The following GPM6A variants were observed in gnomAD, a reference collection of about 807,000 sequenced individuals.
The protein encoded by GPM6A is neuronal membrane glycoprotein M6-a.
In GPM6A, 7 loss-of-function variants were observed where a neutral mutation model predicts 32.1. The ratio of observed to expected loss-of-function variants is 0.22; its 90% CI spans 0.12 to 0.41. The LOEUF (loss-of-function observed/expected upper bound fraction) is 0.41, where lower values mean the gene tolerates loss of function less well. GPM6A is among the 10% of genes least tolerant of loss of function. GPM6A has a pLI of 1.00. For missense variants in GPM6A, 235 were observed against 347.2 expected, an observed-to-expected ratio of 0.68 and a Z score of 2.57; for synonymous variants, 130 against 123.4, an observed-to-expected ratio of 1.05 and a Z score of -0.35.
At chr4:175,732,045 C>T (rs1187567229) in intron 1 of GPM6A, among the ~76,000 whole-genome samples, 1 of 147,494 alleles carries the variant, frequency 6.8e-6, no homozygotes, top group Non-Finnish European at 1.5e-5. Context: ...CAGCTTACTG[C>T]AAACTCTGCC....
chr4:175,927,792 G>A (rs1313853660), intron 1 of GPM6A, among the ~76,000 whole-genome samples: 2 of 152,308 alleles, frequency 1.3e-5, no homozygotes, highest in Admixed American at 1.3e-4. Flanking sequence ...GGCTGAGGCG[G>A]GAGAATGGCT....
chr4:175,998,689 C>T lies in GPM6A; in HGVS notation c.-23+3620G>A, dbSNP rs144954531. On this transcript the variant is annotated intron_variant, in intron 1 of 7. Transcript: ENST00000280187. ...TATCTCTCATCAATCTTTTGCTCTC[C>T]GGTTCCACTGGCTTAGACATGTATC... is the stretch of plus-strand genomic sequence containing the variant. Among the ~76,000 whole-genome samples the T allele has an allele frequency of 1.1e-3, 174 of 152,176 alleles. 2 individuals are homozygous for T. The highest frequency in any genetic ancestry group is 3.7e-3 in the African/African-American group (154 of 41,494).
chr4:175,884,886 T>C (rs975301691), intron 1 of GPM6A, among the ~76,000 whole-genome samples: 1 of 152,200 alleles, frequency 6.6e-6, no homozygotes, highest in African/African-American at 2.4e-5. Context: ...AAAATGTTTT[T>C]AAAAATCTAC....
At chr4:175,896,544 T>C (rs187020070) in intron 1 of GPM6A, among the ~76,000 whole-genome samples, 1 of 152,286 alleles carries the variant, frequency 6.6e-6, no homozygotes, top group East Asian at 1.9e-4. Context: ...ACCCCAGTTA[T>C]GGACCCAACA....
At chr4:175,782,595 A>G (rs1038137260) in intron 1 of GPM6A, among the ~76,000 whole-genome samples, 14 of 152,244 alleles carry the variant, frequency 9.2e-5, no homozygotes, top group African/African-American at 3.1e-4. Flanking sequence ...AAATGCAGCT[A>G]TACTCTCCAG....
chr4:175,916,037 T>C (rs773301858), intron 1 of GPM6A, among the ~76,000 whole-genome samples: 2 of 152,224 alleles, frequency 1.3e-5, no homozygotes, highest in Non-Finnish European at 2.9e-5. Context: ...CCTGTTTTTA[T>C]TGGATCAAAG....
chr4:175,779,562 C>A (rs531582914), intron 1 of GPM6A, among the ~76,000 whole-genome samples: 1 of 152,206 alleles, frequency 6.6e-6, no homozygotes, highest in African/African-American at 2.4e-5. Flanking sequence ...CTTTTCAGGT[C>A]TCATGGCTCT....
chr4:175,837,793 A>C (rs2111378917), intron 1 of GPM6A, among the ~76,000 whole-genome samples: 1 of 152,264 alleles, frequency 6.6e-6, no homozygotes, highest in South Asian at 2.1e-4. Flanking sequence ...ATAGTCATCC[A>C]TGTCCTCATC....
intron 1 of GPM6A, among the ~76,000 whole-genome samples, chr4:175,846,756 A>C (rs946358654): frequency 6.6e-6 from 1 of 152,304 alleles, no homozygotes; most frequent in African/African-American, 2.4e-5. Context: ...TACTCAAAAT[A>C]TCAAGAAATT....
intron 1 of GPM6A, among the ~76,000 whole-genome samples, chr4:175,879,300 C>T (rs1444811948): frequency 6.6e-6 from 1 of 152,222 alleles, no homozygotes; most frequent in Non-Finnish European, 1.5e-5. Context: ...GGTAACTTCA[C>T]AGCAGCACCC....
chr4:175,897,958 A>C (rs1482402222), intron 1 of GPM6A, among the ~76,000 whole-genome samples: 1 of 152,192 alleles, frequency 6.6e-6, no homozygotes, highest in Non-Finnish European at 1.5e-5. Context: ...TTGGCAAGTA[A>C]GACAACACTA....
chr4:175,732,200 C>T (rs542175365), intron 1 of GPM6A, among the ~76,000 whole-genome samples: 252 of 137,332 alleles, frequency 1.8e-3, no homozygotes, highest in African/African-American at 5.9e-3. Flanking sequence ...CTCCTGACCT[C>T]GTGATCCGCC....
At chr4:175,931,309 C>T (rs1467621005) in intron 1 of GPM6A, among the ~76,000 whole-genome samples, 2 of 152,100 alleles carry the variant, frequency 1.3e-5, no homozygotes, top group African/African-American at 2.4e-5. Flanking sequence ...ATCCTACAAC[C>T]TCACATTCCC....
intron 2 of GPM6A, among the ~76,000 whole-genome samples, chr4:175,687,430 C>T (rs188788098): frequency 6.6e-6 from 1 of 151,774 alleles, no homozygotes; most frequent in East Asian, 1.9e-4. Context: ...GCAGCACTAT[C>T]CTTCTGTGAC....
At chr4:175,809,180 A>C (rs1163430441) in intron 1 of GPM6A, among the ~76,000 whole-genome samples, 1 of 152,200 alleles carries the variant, frequency 6.6e-6, no homozygotes, top group Non-Finnish European at 1.5e-5. Flanking sequence ...TTCTAGAAAC[A>C]GTTGCATGGC....
rs976587090 is a variant in GPM6A at position 175,735,764 on chromosome 4, G to A, written c.38-33997C>T. Reference sequence around the variant, plus strand: ...TTTAGTGGAGACTGGGTTTCACCACGTTGGTCAGGCTGGTCTCAAACTCCT... The same window carrying A: ...TTTAGTGGAGACTGGGTTTCACCACATTGGTCAGGCTGGTCTCAAACTCCT... On this transcript the variant is annotated intron_variant, in intron 1 of 6. Coordinates refer to ENST00000393658, the MANE Select transcript of GPM6A (RefSeq NM_201591.3). Among the ~76,000 whole-genome samples the A allele has an allele frequency of 2.6e-5, 4 of 152,198 alleles. No individual in the cohort carries two copies. In the East Asian group the frequency reaches 5.8e-4, roughly 22 times the overall value.
intron 3 of GPM6A, among the ~76,000 whole-genome samples, chr4:175,668,110 C>A (rs1273278600): frequency 6.6e-6 from 1 of 152,052 alleles, no homozygotes; most frequent in African/African-American, 2.4e-5. Context: ...TTTCTTTCAA[C>A]TTTTACATTA....
chr4:175,741,746 T>C (rs1179495260), intron 1 of GPM6A, among the ~76,000 whole-genome samples: 1 of 152,160 alleles, frequency 6.6e-6, no homozygotes. Context: ...CTGCTTAGCA[T>C]GGTAATTAGC....
chr4:175,954,074 GC>G lies in GPM6A; in HGVS notation c.-23+48234del, dbSNP rs1467701776. Among the ~76,000 whole-genome samples the G allele has an allele frequency of 3.3e-5, 5 of 152,032 alleles. No individual in the cohort carries two copies. The East Asian group carries it at 9.6e-4, about 29-fold the overall frequency. ...TACATGTCCTTAGCTTTTCTTCCTGGCCCGCTCTATACCTTGACTTTTCCTA... is the reference window on the plus strand; with the variant it reads ...TACATGTCCTTAGCTTTTCTTCCTGGCCGCTCTATACCTTGACTTTTCCTA... On this transcript the variant is annotated intron_variant, in intron 1 of 7. Transcript: ENST00000280187.
Sources: allele counts gnomAD v4.1 joint callset (sites outside exome capture counted in the v4.1 genomes callset), GRCh38; gene constraint gnomAD v4.1.1; transcripts MANE v1.5; gene names NCBI Gene and HGNC (gene_info 2026-07-23, HGNC 2026-07-21).